The following CERT1 variants were observed in gnomAD, a reference collection of about 807,000 sequenced individuals.
CERT1 encodes the protein ceramide transporter 1.
Under a neutral mutation model 87.9 loss-of-function variants are expected in CERT1, and 31 were observed. That is an observed-to-expected ratio of 0.35 (90% CI 0.27 to 0.48). The LOEUF (loss-of-function observed/expected upper bound fraction) is 0.48. Among genes scored for constraint, CERT1 ranks in the 20% least tolerant of loss-of-function variants. CERT1 has a pLI of 0.99. For missense variants in CERT1, 487 were observed against 758.0 expected (o/e 0.64, Z 4.20); for synonymous variants, 289 against 250.9 (o/e 1.15, Z -1.44).
At chr5:75,462,988 C>T (rs549720678) in intron 2 of CERT1, among the ~76,000 whole-genome samples, 6 of 93,700 alleles carry the variant, frequency 6.4e-5, no homozygotes, top group Admixed American at 2.4e-4. Flanking sequence ...AAGACTCCGT[C>T]TCAAAAAAAA....
intron 11 of CERT1, among the ~76,000 whole-genome samples, chr5:75,391,373 T>G (rs900074686): frequency 2.6e-5 from 4 of 152,260 alleles, no homozygotes; most frequent in Admixed American, 6.5e-5. Flanking sequence ...TCTCCTGATC[T>G]GTCAATCATC....
At chr5:75,432,559 T>C (rs1178809403) in intron 3 of CERT1, among the ~76,000 whole-genome samples, 1 of 152,230 alleles carries the variant, frequency 6.6e-6, no homozygotes, top group Non-Finnish European at 1.5e-5. Context: ...AATGGGGTTG[T>C]TTAGGTTTTG....
At chr5:75,392,610 C>T (rs887400242) in intron 11 of CERT1, among the ~76,000 whole-genome samples, 2 of 152,134 alleles carry the variant, frequency 1.3e-5, no homozygotes, top group African/African-American at 4.8e-5. Flanking sequence ...GGTGACCAGA[C>T]TGACACTTCA....
At chr5:75,420,717 C>T (rs1003352820) in intron 5 of CERT1, among the ~76,000 whole-genome samples, 4 of 151,996 alleles carry the variant, frequency 2.6e-5, no homozygotes, top group South Asian at 4.1e-4. Context: ...TTTTCTACTA[C>T]GCCACATGCT....
rs1763504552 is a variant in CERT1, at chr5:75,424,245, ATTC to A, written c.595+1113_595+1115del. 2.0e-5 allele frequency among the ~76,000 whole-genome samples: 3 copies of A among 152,284 alleles called. No individual in the cohort carries two copies. In the South Asian group the frequency reaches 6.2e-4, roughly 32 times the overall value. On this transcript the variant is annotated intron_variant, in intron 5 of 16. Coordinates refer to ENST00000643780, the MANE Select transcript of CERT1 (RefSeq NM_001379029.1). ...ATTATTACTTCCATTTCTATTACTGATTCTTCTTCTATGAGAAAAAGGGTAGAG... is the reference window on the plus strand; with the variant it reads ...ATTATTACTTCCATTTCTATTACTGATTCTTCTATGAGAAAAAGGGTAGAG...
chr5:75,385,917 G>A lies in CERT1; in HGVS notation c.1402C>T (p.Arg468Cys), dbSNP rs748030804. ...GACAGCTTACTTTCCCAGTCATTGC[G>A]AACGTCAACATTCCAGAAATAATTG... ...VCNYFWNVDV[R>C]NDWETTIENF... The change falls in exon 13 of 17, where the codon CGC becomes TGC. Residue 468 changes from arginine to cysteine, a missense_variant. This residue lies in a region of CERT1 where 147 missense variants were observed against 200.8 expected (regional missense o/e 0.73). Coordinates refer to ENST00000643780, the MANE Select transcript of CERT1 (RefSeq NM_001379029.1). The A allele has an allele frequency of 1.9e-6, 3 of 1,540,226 alleles. No homozygotes were observed. Among genetic ancestry groups the A allele is most frequent in the Non-Finnish European group, 2.6e-6 (3 of 1,146,236 alleles).
At chr5:75,475,513 C>A (rs1765916595) in intron 2 of CERT1, among the ~76,000 whole-genome samples, 1 of 152,084 alleles carries the variant, frequency 6.6e-6, no homozygotes, top group Non-Finnish European at 1.5e-5. Flanking sequence ...ATTTTCTTTT[C>A]CCCTCAAGAT....
intron 3 of CERT1, among the ~76,000 whole-genome samples, chr5:75,443,030 T>C (rs957182837): frequency 3.3e-5 from 5 of 152,154 alleles, no homozygotes; most frequent in African/African-American, 9.7e-5. Context: ...TCTTGGAACA[T>C]ATACCCTTGT....
At chr5:75,431,939 G>A (rs1361642972) in intron 3 of CERT1, among the ~76,000 whole-genome samples, 1 of 152,146 alleles carries the variant, frequency 6.6e-6, no homozygotes, top group African/African-American at 2.4e-5. Context: ...ACACAGTAAT[G>A]AGATTGCTGG....
chr5:75,469,232 T>C (rs1418794367), intron 2 of CERT1, among the ~76,000 whole-genome samples: 1 of 151,916 alleles, frequency 6.6e-6, no homozygotes, highest in Non-Finnish European at 1.5e-5. Context: ...TCTGTGAACT[T>C]GAAGGCAGGT....
At chr5:75,445,752 C>T (rs1764509124) in intron 3 of CERT1, among the ~76,000 whole-genome samples, 1 of 152,188 alleles carries the variant, frequency 6.6e-6, no homozygotes, top group Non-Finnish European at 1.5e-5. Context: ...CCTCTACCTC[C>T]TGAGTAGCTG....
intron 3 of CERT1, among the ~76,000 whole-genome samples, chr5:75,455,820 T>C (rs1459470686): frequency 6.6e-6 from 1 of 152,126 alleles, no homozygotes; most frequent in East Asian, 1.9e-4. Flanking sequence ...TACTCAGAAA[T>C]CACAAACTAA....
intron 2 of CERT1, among the ~76,000 whole-genome samples, chr5:75,501,239 CT>C (rs1440486960): frequency 6.6e-6 from 1 of 152,130 alleles, no homozygotes; most frequent in Non-Finnish European, 1.5e-5. Flanking sequence ...CAGCAACCCC[CT>C]ACCTCACCAA....
intron 8 of CERT1, chr5:75,410,766 G>T: frequency 2.8e-5 from 7 of 249,280 alleles, no homozygotes; most frequent in African/African-American, 4.5e-5. Context: ...ATAAAAATTT[G>T]TCCTATCAAG....
At chr5:75,394,332 A>G (rs1256738026) in intron 11 of CERT1, among the ~76,000 whole-genome samples, 1 of 151,758 alleles carries the variant, frequency 6.6e-6, no homozygotes, top group East Asian at 1.9e-4. Flanking sequence ...ACACAGTGAG[A>G]CCCCCATATC....
intron 5 of CERT1, among the ~76,000 whole-genome samples, 197 bp from the exon 6 acceptor site, chr5:75,419,621 A>C (rs532189302): frequency 4.6e-5 from 7 of 152,186 alleles, no homozygotes; most frequent in Non-Finnish European, 8.8e-5. Context: ...ACAAAATCTT[A>C]ATCTCTCTCT....
intron 2 of CERT1, among the ~76,000 whole-genome samples, chr5:75,465,370 T>C (rs989024809): frequency 1.3e-5 from 2 of 152,198 alleles, no homozygotes; most frequent in Admixed American, 6.5e-5. Flanking sequence ...AGACTTAAAA[T>C]TGTCTAAGTC....
At chr5:75,469,323 C>T (rs1396981438) in intron 2 of CERT1, among the ~76,000 whole-genome samples, 2 of 151,984 alleles carry the variant, frequency 1.3e-5, no homozygotes, top group Non-Finnish European at 2.9e-5. Context: ...TATGAGATAG[C>T]ATTAAAAGCA....
At chr5:75,511,646 T>C, upstream of CERT1, 2 of 1,500,910 alleles carry the variant, frequency 1.3e-6, no homozygotes, top group South Asian at 1.3e-5. Context: ...CCCTCCCCTG[T>C]CCTTTCCCCT....
Sources: allele counts gnomAD v4.1 joint callset (sites outside exome capture counted in the v4.1 genomes callset), GRCh38; gene constraint gnomAD v4.1.1; regional missense constraint gnomAD v4.1.1; transcripts MANE v1.5; gene names NCBI Gene and HGNC (gene_info 2026-07-23, HGNC 2026-07-21).